RAB3A: variants seen among roughly 807,000 people sequenced by gnomAD.
The protein encoded by RAB3A is ras-related protein Rab-3A.
Under a neutral mutation model 19.7 loss-of-function variants are expected in RAB3A, and 5 were observed. The ratio of observed to expected loss-of-function variants is 0.25; its 90% CI spans 0.13 to 0.53. The LOEUF is 0.53. RAB3A is among the 20% of genes least tolerant of loss of function. RAB3A has a pLI of 0.95. For missense variants in RAB3A, 189 were observed against 305.6 expected (o/e 0.62, Z 2.85); for synonymous variants, 119 against 122.1 (o/e 0.97, Z 0.17).
intron 1 of RAB3A, among the ~76,000 whole-genome samples, chr19:18,203,251 C>T (rs1967640189): frequency 6.6e-6 from 1 of 152,254 alleles, no homozygotes; most frequent in Non-Finnish European, 1.5e-5. Flanking sequence ...CACGTGCACA[C>T]AGCCTCAAAC....
chr19:18,198,110 G>A (rs1026301472), intron 4 of RAB3A, among the ~76,000 whole-genome samples: 1 of 151,884 alleles, frequency 6.6e-6, no homozygotes, highest in African/African-American at 2.4e-5. Context: ...GCCCTGCAGC[G>A]TCCAGCCCAG....
At chr19:18,199,933 C>T (rs184289732) in intron 3 of RAB3A, among the ~76,000 whole-genome samples, 6 of 152,226 alleles carry the variant, frequency 3.9e-5, no homozygotes, top group Non-Finnish European at 7.3e-5. Flanking sequence ...CTGACCCCTA[C>T]GTTTTATTTA....
Position 18,201,747 on chromosome 19 carries a change from A to G in RAB3A, c.228+766T>C, listed in dbSNP as rs540639662. On this transcript the variant is annotated intron_variant, in intron 2 of 4. Coordinates refer to ENST00000222256, the MANE Select transcript of RAB3A (RefSeq NM_002866.5). Reference sequence around the variant, plus strand: ...AAATAACGGTATAAATGTATCCTATATTGGAGAGTGACAAGGACCAAGGAG... The same window carrying G: ...AAATAACGGTATAAATGTATCCTATGTTGGAGAGTGACAAGGACCAAGGAG... Among the ~76,000 whole-genome samples, 5 of 152,312 alleles carry G rather than the reference A, an allele frequency of 3.3e-5. No homozygotes were observed. In the East Asian group the frequency reaches 9.6e-4, roughly 29 times the overall value.
At position 18,198,776 on chromosome 19, in the gene RAB3A, C is replaced by T; in HGVS notation, c.421G>A (p.Asp141Asn). The T allele has an allele frequency of 6.2e-7, 1 of 1,614,194 alleles. No individual in the cohort carries two copies. Among genetic ancestry groups the T allele is most frequent in the South Asian group, 1.1e-5 (1 of 91,086 alleles). ...LLVGNKCDME[D>N]ERVVSSERGR... ...CGTTCTGATGACACCACCCGCTCAT[C>T]CTCCATGTCACACTTGTTTCCTACC... Residue 141 changes from aspartate (D) to asparagine (N), a missense_variant, in exon 4 of 5, where the codon GAT becomes AAT. Physicochemically the swap from Asp to Asn is conservative, Grantham distance 23 (BLOSUM62 1). Transcript: ENST00000222256.
rs577811134 is a variant in RAB3A, at chr19:18,196,849, C to T, written c.*621G>A. The T allele has an allele frequency of 1.5e-5, 3 of 205,438 alleles. No individual in the cohort carries two copies. The highest frequency in any genetic ancestry group is 2.8e-5 in the Non-Finnish European group (3 of 106,450). 12.7% of individuals were successfully genotyped at this position (205,438 alleles called of 1,614,324 possible). On this transcript the variant is annotated 3_prime_UTR_variant, in exon 5 of 5. Coordinates refer to ENST00000222256, the MANE Select transcript of RAB3A (RefSeq NM_002866.5). Reference sequence around the variant, plus strand: ...TGCGTGTAGTGTTGTCATGACATCTCCTAAGGAACTGGGGGGCACGTTTGA... The same window carrying T: ...TGCGTGTAGTGTTGTCATGACATCTTCTAAGGAACTGGGGGGCACGTTTGA...
chr19:18,202,834 C>T lies in RAB3A; in HGVS notation c.1-94G>A, dbSNP rs1967632451. ...AGAAGATGGCAAGGGCTCCAGAAAACGGCCGGTGTATGGAGGACACCCTTA... is the reference window on the plus strand; with the variant it reads ...AGAAGATGGCAAGGGCTCCAGAAAATGGCCGGTGTATGGAGGACACCCTTA... On this transcript the variant is annotated intron_variant, in intron 1 of 4. Transcript: ENST00000222256. The surrounding 1 kb of genome is among the most constrained non-coding windows in gnomAD (Gnocchi z 4.2). The T allele has an allele frequency of 3.0e-6, 3 of 1,002,678 alleles. No individual in the cohort carries two copies. Among genetic ancestry groups the T allele is most frequent in the African/African-American group, 3.2e-5 (2 of 63,020 alleles). 62.1% of individuals were successfully genotyped at this position (1,002,678 alleles called of 1,614,324 possible). A position where few individuals can be genotyped will look rare whatever the true frequency, so the allele number is the denominator to read the frequency against.
chr19:18,197,201 G>A lies in RAB3A; in HGVS notation c.*269C>T, dbSNP rs972663135. On this transcript the variant is annotated 3_prime_UTR_variant, in exon 5 of 5. Transcript: ENST00000222256. ...GGGGGGGGGGTTCAGGAGGGTGAGC[G>A]GTGAGTTCACGGGGCCACGAGACAC... The A allele has an allele frequency of 2.2e-5, 9 of 412,828 alleles. No individual in the cohort carries two copies. The East Asian group carries it at 2.7e-4, about 12-fold the overall frequency. 25.6% of individuals were successfully genotyped at this position (412,828 alleles called of 1,614,324 possible).
Sources: allele counts gnomAD v4.1 joint callset (sites outside exome capture counted in the v4.1 genomes callset), GRCh38; gene constraint gnomAD v4.1.1; non-coding constraint Gnocchi (gnomAD v3.1); transcripts MANE v1.5; gene names NCBI Gene and HGNC (gene_info 2026-07-23, HGNC 2026-07-21).